The following DLG2 variants were observed in gnomAD, a reference collection of about 807,000 sequenced individuals.
DLG2 encodes the protein discs large MAGUK scaffold protein 2.
DLG2 carries 45 observed loss-of-function variants against 132.5 expected under a neutral mutation model. The ratio of observed to expected loss-of-function variants is 0.34; its 90% confidence interval spans 0.27 to 0.44. The LOEUF is 0.44. Ranked by LOEUF, DLG2 falls within the 20% of genes least tolerant of loss-of-function variation. DLG2 has a pLI of 1.00. For synonymous variants in DLG2, 424 were observed against 419.6 expected (o/e 1.01, Z -0.13); for missense variants, 1,045 against 1,196.9 (o/e 0.87, Z 1.87).
intron 6 of DLG2, among the ~76,000 whole-genome samples, chr11:84,822,946 T>C (rs1050189927): frequency 5.3e-5 from 8 of 151,934 alleles, no homozygotes; most frequent in Admixed American, 2.6e-4. Context: ...TGAAGACAGA[T>C]AATATATTTA....
rs75387248 is a variant in DLG2 at position 84,495,564 on chromosome 11, A to G, written c.519+39006T>C. On this transcript the variant is annotated intron_variant, in intron 7 of 27. Coordinates refer to ENST00000376104, the MANE Select transcript of DLG2 (RefSeq NM_001142699.3). ...CTGAACAGCCACTGCTATGCCTTCA[A>G]TAAATATTTGTTGAATAAACAAAAG... 2.9e-3 allele frequency among the ~76,000 whole-genome samples: 437 copies of G among 152,328 alleles called. 1 individual carries two copies. The highest frequency in any genetic ancestry group is 9.7e-3 in the African/African-American group (402 of 41,574).
intron 6 of DLG2, among the ~76,000 whole-genome samples, chr11:84,734,070 A>G (rs1441859743): frequency 1.3e-5 from 2 of 152,140 alleles, no homozygotes; most frequent in Admixed American, 6.6e-5. Context: ...GTCAGGTAGC[A>G]TGATGCCTCC....
In DLG2 at chr11:85,466,908, T is replaced by C. The variant is rs183752581; in HGVS notation, c.40+131749A>G. On this transcript the variant is annotated intron_variant, in intron 3 of 27. Coordinates refer to ENST00000376104, the MANE Select transcript of DLG2 (RefSeq NM_001142699.3). ...CTATTAATTACCTTGGGCAGTATGG[T>C]CATTTTCATGATATTGATTCTTCCT... Among the ~76,000 whole-genome samples, 207 of 152,234 alleles carry C rather than the reference T, an allele frequency of 1.4e-3. 1 individual carries two copies. The highest frequency in any genetic ancestry group is 4.6e-3 in the African/African-American group (192 of 41,526).
At chr11:85,412,760 CAT>C (rs200280952) in intron 3 of DLG2, among the ~76,000 whole-genome samples, 7,336 of 112,140 alleles carry the variant, frequency 0.065, 341 homozygotes, top group East Asian at 0.21. Flanking sequence ...CACACACACA[CAT>C]ATATATATAT....
At chr11:84,770,064 G>A (rs1212121119) in intron 6 of DLG2, among the ~76,000 whole-genome samples, 4 of 152,146 alleles carry the variant, frequency 2.6e-5, no homozygotes, top group Admixed American at 2.6e-4. Flanking sequence ...TATGGAGGTA[G>A]ATTCCCCATG....
intron 21 of DLG2, among the ~76,000 whole-genome samples, chr11:83,518,612 G>A: frequency 6.6e-6 from 1 of 152,190 alleles, no homozygotes; most frequent in Non-Finnish European, 1.5e-5. Context: ...TTTGTCTTCT[G>A]TGTTGCTCAT....
chr11:85,256,866 T>A (rs1002167477), intron 4 of DLG2, among the ~76,000 whole-genome samples: 1 of 150,758 alleles, frequency 6.6e-6, no homozygotes, highest in South Asian at 2.1e-4. Context: ...GCTCAAGAGA[T>A]AATTAATCAG....
At chr11:84,993,626 G>C (rs1485671531) in intron 6 of DLG2, among the ~76,000 whole-genome samples, 1 of 152,270 alleles carries the variant, frequency 6.6e-6, no homozygotes, top group East Asian at 1.9e-4. Context: ...GGGGAGGAGG[G>C]TCAGCAGAAG....
intron 9 of DLG2, among the ~76,000 whole-genome samples, chr11:84,154,914 G>C (rs888549500): frequency 1.3e-5 from 2 of 152,024 alleles, no homozygotes; most frequent in East Asian, 3.9e-4. Context: ...ATTGACAAAT[G>C]GTATCTAATT....
intron 6 of DLG2, among the ~76,000 whole-genome samples, chr11:84,891,863 A>G (rs1260897290): frequency 6.6e-6 from 1 of 152,188 alleles, no homozygotes; most frequent in Non-Finnish European, 1.5e-5. Context: ...CAAAGAATCT[A>G]TATTAAAAGT....
intron 18 of DLG2, among the ~76,000 whole-genome samples, chr11:83,652,486 A>G (rs762385777): frequency 6.6e-5 from 10 of 152,022 alleles, no homozygotes; most frequent in Non-Finnish European, 1.3e-4. Context: ...TTCTCCCACC[A>G]AAGCCTCCCA....
intron 6 of DLG2, among the ~76,000 whole-genome samples, chr11:85,081,744 C>T (rs2067257836): frequency 6.6e-6 from 1 of 152,154 alleles, no homozygotes; most frequent in South Asian, 2.1e-4. Context: ...ACCAGAATTG[C>T]CCTCCAATAT....
chr11:84,169,682 A>G (rs2095768822), intron 8 of DLG2, among the ~76,000 whole-genome samples: 1 of 87,002 alleles, frequency 1.1e-5, no homozygotes, highest in Non-Finnish European at 2.6e-5. Context: ...TGATCAGTAT[A>G]GCCAACATGA....
chr11:85,154,360 C>A (rs923588749), intron 5 of DLG2, among the ~76,000 whole-genome samples, 196 bp downstream of exon 5: 1 of 152,158 alleles, frequency 6.6e-6, no homozygotes, highest in Non-Finnish European at 1.5e-5. Context: ...AAATAAAACA[C>A]ACACAACTAC....
At chr11:84,201,641 G>A (rs1302359199) in intron 8 of DLG2, among the ~76,000 whole-genome samples, 1 of 150,310 alleles carries the variant, frequency 6.7e-6, no homozygotes, top group African/African-American at 2.5e-5. Context: ...ACACATTACT[G>A]GTCTATTCAG....
chr11:84,671,210 T>C (rs2099705559), intron 6 of DLG2, among the ~76,000 whole-genome samples: 1 of 152,000 alleles, frequency 6.6e-6, no homozygotes, highest in Non-Finnish European at 1.5e-5. Context: ...TCAATCCTCC[T>C]ATCTCAGCCT....
intron 26 of DLG2, among the ~76,000 whole-genome samples, chr11:83,463,771 G>T (rs373198968): frequency 6.6e-6 from 1 of 152,166 alleles, no homozygotes. Flanking sequence ...AGCTTGGGCT[G>T]GACAGAGCAA....
chr11:84,239,124 T>C (rs1165850944), intron 8 of DLG2, among the ~76,000 whole-genome samples: 5 of 152,220 alleles, frequency 3.3e-5, no homozygotes, highest in Admixed American at 6.5e-5. Flanking sequence ...AAAACTTTTA[T>C]TGAAATCCCA....
At chr11:83,778,807 G>A (rs1431416421) in intron 18 of DLG2, among the ~76,000 whole-genome samples, 1 of 152,126 alleles carries the variant, frequency 6.6e-6, no homozygotes, top group Non-Finnish European at 1.5e-5. Flanking sequence ...GAATGAATCT[G>A]CAGACTGTTC....
Sources: gnomAD v4.1 joint callset for allele counts (sites outside exome capture counted in the v4.1 genomes callset) on GRCh38, gnomAD v4.1.1 for gene constraint, MANE v1.5 for transcripts, NCBI Gene and HGNC (gene_info 2026-07-23, HGNC 2026-07-21) for gene names.